CSRNP3: variants seen among roughly 807,000 people sequenced by gnomAD.
CSRNP3 encodes the protein cysteine/serine-rich nuclear protein 3.
Under a neutral mutation model 48.0 loss-of-function variants are expected in CSRNP3, and 12 were observed. The observed-to-expected ratio is 0.25, with a 90% CI of 0.16 to 0.41. The LOEUF is 0.41. CSRNP3 is among the 10% of genes least tolerant of loss of function. CSRNP3 has a pLI of 1.00. For synonymous variants in CSRNP3, 263 were observed against 269.7 expected, an observed-to-expected ratio of 0.98 and a Z score of 0.24; for missense variants, 580 against 724.4, an observed-to-expected ratio of 0.80 and a Z score of 2.29.
chr2:165,641,621 T>C (rs1686722905), intron 4 of CSRNP3, among the ~76,000 whole-genome samples: 1 of 152,166 alleles, frequency 6.6e-6, no homozygotes, highest in South Asian at 2.1e-4. Flanking sequence ...AATTGGTCTC[T>C]GGTAGGGATC....
At chr2:165,665,824 G>GAAGGAAGA (rs1687174422) in intron 5 of CSRNP3, among the ~76,000 whole-genome samples, 1 of 139,524 alleles carries the variant, frequency 7.2e-6, no homozygotes, top group African/African-American at 2.9e-5. Flanking sequence ...AGAAAGGAAG[G>GAAGGAAGA]AAGGAAGAAA....
chr2:165,525,488 CTT>C (rs766376805), intron 3 of CSRNP3, among the ~76,000 whole-genome samples: 17 of 133,826 alleles, frequency 1.3e-4, no homozygotes, highest in South Asian at 2.4e-4. Context: ...TCTTCTTCTT[CTT>C]TTTTTTTTTT....
intron 2 of CSRNP3, among the ~76,000 whole-genome samples, chr2:165,503,004 C>A (rs1210822490): frequency 6.6e-6 from 1 of 151,628 alleles, no homozygotes; most frequent in South Asian, 2.1e-4. Context: ...TTTTCTTTTT[C>A]ATTGTTTTAT....
chr2:165,658,888 A>T (rs1207956668), intron 5 of CSRNP3, among the ~76,000 whole-genome samples: 3 of 152,178 alleles, frequency 2.0e-5, no homozygotes, highest in African/African-American at 7.2e-5. Context: ...ACAATTCAAG[A>T]TGAGATTTGG....
At chr2:165,665,882 G>A (rs1558967088) in intron 5 of CSRNP3, among the ~76,000 whole-genome samples, 1 of 149,252 alleles carries the variant, frequency 6.7e-6, no homozygotes. Context: ...GAAAGAGAGA[G>A]AGGAAGGAAG....
At chr2:165,627,949 C>CTA (rs1017751592) in intron 4 of CSRNP3, among the ~76,000 whole-genome samples, 1 of 152,186 alleles carries the variant, frequency 6.6e-6, no homozygotes, top group Non-Finnish European at 1.5e-5. Context: ...CAGTGCCCTG[C>CTA]TATATATATC....
At chr2:165,630,364 G>A (rs1035235389) in intron 4 of CSRNP3, among the ~76,000 whole-genome samples, 6 of 151,972 alleles carry the variant, frequency 3.9e-5, no homozygotes, top group Non-Finnish European at 8.8e-5. Context: ...ATTTTATTTA[G>A]TCCCTCTGAT....
intron 2 of CSRNP3, among the ~76,000 whole-genome samples, chr2:165,503,629 A>G (rs1029091587): frequency 1.3e-5 from 2 of 152,004 alleles, no homozygotes; most frequent in Admixed American, 1.3e-4. Context: ...ATGCCATTGG[A>G]ATTACATTAA....
At chr2:165,565,468 A>G in intron 3 of CSRNP3, among the ~76,000 whole-genome samples, 1 of 152,232 alleles carries the variant, frequency 6.6e-6, no homozygotes, top group East Asian at 1.9e-4. Context: ...GTGTACTATA[A>G]CAACATGTGT....
chr2:165,597,781 A>G (rs1046262896), intron 4 of CSRNP3, among the ~76,000 whole-genome samples: 3 of 152,294 alleles, frequency 2.0e-5, no homozygotes, highest in African/African-American at 7.2e-5. Flanking sequence ...ATAGTAGGAA[A>G]TATAATTAAC....
intron 1 of CSRNP3, among the ~76,000 whole-genome samples, chr2:165,484,569 CAGAA>C (rs1324338946): frequency 6.6e-6 from 1 of 152,174 alleles, no homozygotes; most frequent in Non-Finnish European, 1.5e-5. Context: ...CATGTACTGT[CAGAA>C]AGAGCATTCT....
intron 5 of CSRNP3, among the ~76,000 whole-genome samples, chr2:165,660,610 C>T (rs558064404): frequency 2.2e-4 from 34 of 152,290 alleles, no homozygotes; most frequent in African/African-American, 7.9e-4. Context: ...CACAAACCTA[C>T]AGCAACCTTC....
chr2:165,666,068 AAG>A (rs143932638), intron 5 of CSRNP3, among the ~76,000 whole-genome samples: 21 of 99,680 alleles, frequency 2.1e-4, no homozygotes, highest in African/African-American at 6.1e-4. Flanking sequence ...GGAAGAAAGA[AAG>A]AGAGAGAGAG....
At position 165,678,837 on chromosome 2, in the gene CSRNP3, G is replaced by A. The variant is rs758997007; in HGVS notation, c.842G>A (p.Arg281Gln). ...ATGAAACTTGAACTGGAGAAAAACC[G>A]AGAGCAGCAAATCCCCACGCTGAAT... ...TIMKLELEKNREQQIPTLNGC... is the reference protein window; with the variant it reads ...TIMKLELEKNQEQQIPTLNGC... The change falls in exon 7 of 7, where the codon CGA becomes CAA. Residue 281 changes from arginine (R) to glutamine (Q), a missense_variant. Physicochemically the swap from Arg to Gln is conservative, Grantham distance 43. Around this residue, in one of 4 missense-constraint regions of CSRNP3, gnomAD observed 369 missense variants for 380.8 expected, o/e 0.97. Coordinates refer to ENST00000651982, the MANE Select transcript of CSRNP3 (RefSeq NM_001172173.2). 9 of 1,613,882 alleles carry A rather than the reference G, an allele frequency of 5.6e-6. No homozygotes were observed. The highest frequency in any genetic ancestry group is 4.4e-5 in the South Asian group (4 of 91,082).
intron 1 of CSRNP3, among the ~76,000 whole-genome samples, chr2:165,484,089 T>A (rs1430141191): frequency 6.6e-6 from 1 of 152,072 alleles, no homozygotes; most frequent in East Asian, 1.9e-4. Context: ...ATGCAACAAT[T>A]CCCATTAGAG....
rs554374322 is a variant in CSRNP3 at position 165,577,889 on chromosome 2, C to A, written c.-23-17154C>A. 3.0e-4 allele frequency among the ~76,000 whole-genome samples: 45 copies of A among 151,938 alleles called. 1 individual carries two copies. Among genetic ancestry groups the A allele is most frequent in the African/African-American group, 1.0e-3 (43 of 41,506 alleles). On this transcript the variant is annotated intron_variant, in intron 3 of 6. Transcript: ENST00000651982. ...CCATATTTCTCGTACGTACTGAACT[C>A]CTGACAGATACATACATATAGTATA... is the stretch of plus-strand genomic sequence containing the variant.
intron 2 of CSRNP3, among the ~76,000 whole-genome samples, chr2:165,514,691 G>A (rs755150539): frequency 6.6e-6 from 1 of 152,180 alleles, no homozygotes; most frequent in Non-Finnish European, 1.5e-5. Flanking sequence ...CATTGAATAT[G>A]TCATTCTTCC....
intron 4 of CSRNP3, among the ~76,000 whole-genome samples, chr2:165,653,062 TC>T (rs1368491411): frequency 2.0e-5 from 3 of 152,190 alleles, no homozygotes; most frequent in Non-Finnish European, 4.4e-5. Flanking sequence ...AGTCTGCTTC[TC>T]CCAGGCTCAA....
At chr2:165,588,087 G>A (rs1685660194) in intron 3 of CSRNP3, among the ~76,000 whole-genome samples, 2 of 152,046 alleles carry the variant, frequency 1.3e-5, no homozygotes, top group South Asian at 4.1e-4. Flanking sequence ...AATAAGCATA[G>A]AAATACATAA....
Sources: gnomAD v4.1 joint callset for allele counts (sites outside exome capture counted in the v4.1 genomes callset) on GRCh38, gnomAD v4.1.1 for gene constraint, gnomAD v4.1.1 regional missense constraint, MANE v1.5 for transcripts, NCBI Gene and HGNC (gene_info 2026-07-23, HGNC 2026-07-21) for gene names.